Variants in SCAI observed in about 807,000 individuals in gnomAD.
SCAI encodes protein SCAI.
Under a neutral mutation model 92.2 loss-of-function variants are expected in SCAI, and 24 were observed. That is an observed-to-expected ratio of 0.26 (90% CI 0.19 to 0.37). The LOEUF (loss-of-function observed/expected upper bound fraction) is 0.37. Among genes scored for constraint, SCAI ranks in the 10% least tolerant of loss-of-function variants. The pLI is 1.00. For synonymous variants in SCAI, 261 were observed against 258.6 expected, an observed-to-expected ratio of 1.01 and a Z score of -0.09; for missense variants, 450 against 736.2, an observed-to-expected ratio of 0.61 and a Z score of 4.50.
At chr9:124,996,386 C>T (rs948121122) in intron 13 of SCAI, among the ~76,000 whole-genome samples, 1 of 152,112 alleles carries the variant, frequency 6.6e-6, no homozygotes, top group African/African-American at 2.4e-5. Flanking sequence ...ACTGCAGCCT[C>T]GATCTCCCAG....
intron 2 of SCAI, among the ~76,000 whole-genome samples, chr9:125,108,766 G>A (rs915175888): frequency 5.9e-5 from 9 of 151,394 alleles, no homozygotes; most frequent in East Asian, 3.9e-4. Context: ...CAGCCGCCCC[G>A]TCCGGGAGGT....
chr9:125,061,597 A>G (rs1255892802), intron 2 of SCAI, among the ~76,000 whole-genome samples: 1 of 152,162 alleles, frequency 6.6e-6, no homozygotes, highest in Non-Finnish European at 1.5e-5. Context: ...TGACTCTACA[A>G]AAAAATACAA....
chr9:125,090,797 T>C (rs940610319), intron 2 of SCAI, among the ~76,000 whole-genome samples: 3 of 152,168 alleles, frequency 2.0e-5, no homozygotes, highest in Admixed American at 1.3e-4. Flanking sequence ...TTAGAGGTTT[T>C]TGAGATGCAG....
At chr9:125,123,558 C>T (rs1173242504) in intron 2 of SCAI, among the ~76,000 whole-genome samples, 2 of 152,152 alleles carry the variant, frequency 1.3e-5, no homozygotes, top group South Asian at 2.1e-4. Context: ...AGGTGGATCA[C>T]GAGGTCAGGA....
At chr9:125,046,212 T>TATATATATATATATAG in intron 3 of SCAI, among the ~76,000 whole-genome samples, 1 of 128,316 alleles carries the variant, frequency 7.8e-6, no homozygotes, top group African/African-American at 2.9e-5. Context: ...TATATATATA[T>TATATATATATATATAG]ATATATATAT....
intron 15 of SCAI, chr9:124,974,183 A>T: frequency 8.9e-6 from 4 of 450,818 alleles, no homozygotes; most frequent in South Asian, 6.3e-5. Context: ...ACCTGATAAT[A>T]AATGTTGAAT....
intron 8 of SCAI, 33 bp downstream of exon 8, chr9:125,019,074 C>G (rs1164250273): frequency 6.5e-7 from 1 of 1,538,004 alleles, no homozygotes; most frequent in African/African-American, 1.4e-5. Flanking sequence ...ATTTATTTAT[C>G]AATAATTATG....
rs1015264842 is a variant in SCAI at position 124,949,582 on chromosome 9, G to C, written c.*3225C>G. 2 of 152,030 alleles carry C rather than the reference G, an allele frequency of 1.3e-5. No individual in the cohort carries two copies. The highest frequency in any genetic ancestry group is 6.6e-5 in the Admixed American group (1 of 15,248). The allele number at this position is 152,030 out of a possible 1,614,324, so 9.4% of individuals were successfully genotyped here. On this transcript the variant is annotated 3_prime_UTR_variant, in exon 18 of 18. Transcript: ENST00000336505. This position sits in a 1 kb window ranked among gnomAD's most constrained non-coding sequence, Gnocchi z 4.0. ...TGGGCTCAAGTGACCCTCCCACCTC[G>C]GCCTCCCAGGTAGCTGGGACTAATA...
chr9:124,966,638 CT>C (rs1264729091), intron 17 of SCAI, among the ~76,000 whole-genome samples: 1 of 151,872 alleles, frequency 6.6e-6, no homozygotes, highest in African/African-American at 2.4e-5. Flanking sequence ...TTCAATATTT[CT>C]TTTTTTGTAT....
At chr9:125,021,340 C>A (rs973508472) in intron 6 of SCAI, among the ~76,000 whole-genome samples, 3 of 152,158 alleles carry the variant, frequency 2.0e-5, no homozygotes, top group Admixed American at 1.3e-4. Context: ...AGGTTTATAT[C>A]TACCACCTTG....
chr9:125,140,738 A>T (rs1280756337), intron 2 of SCAI, among the ~76,000 whole-genome samples: 1 of 149,888 alleles, frequency 6.7e-6, no homozygotes, highest in Non-Finnish European at 1.5e-5. Context: ...AGGCGCTTGT[A>T]GTCCCAGCTA....
chr9:125,056,907 A>G (rs1833679705), intron 2 of SCAI, among the ~76,000 whole-genome samples: 1 of 152,214 alleles, frequency 6.6e-6, no homozygotes, highest in Non-Finnish European at 1.5e-5. Context: ...ACATATACAT[A>G]CACACACACG....
chr9:125,029,995 T>C (rs889525425), intron 3 of SCAI, among the ~76,000 whole-genome samples: 7 of 152,208 alleles, frequency 4.6e-5, no homozygotes, highest in Admixed American at 2.6e-4. Flanking sequence ...AGGTTTCTGG[T>C]CCTCTCTTCC....
chr9:125,003,445 T>C, intron 10 of SCAI, 24 bp downstream of exon 10: 7 of 1,505,982 alleles, frequency 4.6e-6, no homozygotes, highest in Non-Finnish European at 6.5e-6. Context: ...TTACCAAACT[T>C]GCAAATGTAA....
At chr9:124,958,086 AG>A (rs759200873) in intron 17 of SCAI, among the ~76,000 whole-genome samples, 1 of 152,242 alleles carries the variant, frequency 6.6e-6, no homozygotes, top group Non-Finnish European at 1.5e-5. Flanking sequence ...TCCTGGTGAA[AG>A]AAACTAAACA....
chr9:125,029,770 T>A, intron 3 of SCAI, 31 bp from the exon 4 acceptor site: 1 of 1,287,758 alleles, frequency 7.8e-7, no homozygotes, highest in Non-Finnish European at 1.1e-6. Context: ...GTATTAATAT[T>A]AAACTTCTTA....
chr9:125,058,344 C>T (rs1833711709), intron 2 of SCAI, among the ~76,000 whole-genome samples: 1 of 151,902 alleles, frequency 6.6e-6, no homozygotes, highest in African/African-American at 2.4e-5. Flanking sequence ...TGAAACCCAT[C>T]TCCACCAAAA....
chr9:125,023,385 G>A (rs1354177906), intron 6 of SCAI, among the ~76,000 whole-genome samples: 1 of 152,058 alleles, frequency 6.6e-6, no homozygotes, highest in Non-Finnish European at 1.5e-5. Flanking sequence ...AGCATTTCTA[G>A]GTGTTTAGTA....
chr9:124,947,979 A>G lies in SCAI; in HGVS notation c.*4828T>C, dbSNP rs1831174840. Reference sequence around the variant, plus strand: ...TCAGGCTGATTACAAGTCTCCATAAATAAAATTTTTCAGCTGGGTCCAAAC... The same window carrying G: ...TCAGGCTGATTACAAGTCTCCATAAGTAAAATTTTTCAGCTGGGTCCAAAC... On this transcript the variant is annotated 3_prime_UTR_variant, in exon 18 of 18. Transcript: ENST00000336505. 6.6e-6 allele frequency: 1 copy of G among 152,238 alleles called. No individual in the cohort carries two copies. Among genetic ancestry groups the G allele is most frequent in the Non-Finnish European group, 1.5e-5 (1 of 68,038 alleles). 9.4% of individuals were successfully genotyped at this position (152,238 alleles called of 1,614,324 possible).
Sources: gnomAD v4.1 joint callset for allele counts (sites outside exome capture counted in the v4.1 genomes callset) on GRCh38, gnomAD v4.1.1 for gene constraint, Gnocchi (gnomAD v3.1) non-coding constraint, MANE v1.5 for transcripts, NCBI Gene and HGNC (gene_info 2026-07-23, HGNC 2026-07-21) for gene names.